SLC36A3: variants seen among roughly 807,000 people sequenced by gnomAD.
The protein encoded by SLC36A3 is proton-coupled amino acid transporter 3.
A neutral mutation model predicts 44.3 loss-of-function variants in SLC36A3; 35 were observed. That is an observed-to-expected ratio of 0.79 (90% CI 0.60 to 1.05). The LOEUF (loss-of-function observed/expected upper bound fraction) is 1.05. Among genes scored for constraint, SLC36A3 ranks in the 50% least tolerant of loss-of-function variants. The pLI is 0.00. For synonymous variants in SLC36A3, 211 were observed against 227.6 expected, an observed-to-expected ratio of 0.93 and a Z score of 0.66; for missense variants, 540 against 578.7, an observed-to-expected ratio of 0.93 and a Z score of 0.69.
intron 4 of SLC36A3, among the ~76,000 whole-genome samples, chr5:151,291,422 C>T (rs1754754560): frequency 6.6e-6 from 1 of 152,220 alleles, no homozygotes; most frequent in Non-Finnish European, 1.5e-5. Context: ...TAAACTGCTA[C>T]ATTCCCCTTG....
intron 8 of SLC36A3, among the ~76,000 whole-genome samples, chr5:151,281,994 T>G (rs1186751306): frequency 6.6e-6 from 1 of 152,030 alleles, no homozygotes; most frequent in Non-Finnish European, 1.5e-5. Flanking sequence ...TGTTTGTACA[T>G]GCTCATACAG....
chr5:151,295,717 T>C (rs554486335), intron 3 of SLC36A3, among the ~76,000 whole-genome samples: 2 of 152,346 alleles, frequency 1.3e-5, no homozygotes, highest in South Asian at 4.1e-4. Context: ...TGATAATGAC[T>C]GAAATCATTG....
chr5:151,277,773 G>A, intron 9 of SLC36A3, 112 bp from the exon 10 acceptor site: 1 of 1,353,366 alleles, frequency 7.4e-7, no homozygotes, highest in Non-Finnish European at 1.0e-6. Context: ...GAGGTGGGAG[G>A]GAGCCTACTG....
At position 151,277,253 on chromosome 5, in the gene SLC36A3, C is replaced by T; in HGVS notation, c.*140G>A. 1 of 1,194,990 alleles carries T rather than the reference C, an allele frequency of 8.4e-7. No individual in the cohort carries two copies. Among genetic ancestry groups the T allele is most frequent in the Non-Finnish European group, 1.2e-6 (1 of 860,326 alleles). The allele number at this position is 1,194,990 out of a possible 1,614,324, so 74.0% of individuals were successfully genotyped here. A position where few individuals can be genotyped will look rare whatever the true frequency, so the allele number is the denominator to read the frequency against. On this transcript the variant is annotated 3_prime_UTR_variant, in exon 10 of 10. Coordinates refer to ENST00000335230, the MANE Select transcript of SLC36A3 (RefSeq NM_181774.4). Reference sequence around the variant, plus strand: ...GAGAGACATCAGTGCTAACTTTTCTCATCTGCATTTCTCTTGGAAAGATAA... The same window carrying T: ...GAGAGACATCAGTGCTAACTTTTCTTATCTGCATTTCTCTTGGAAAGATAA...
intron 1 of SLC36A3, among the ~76,000 whole-genome samples, chr5:151,300,049 C>A (rs74823953): frequency 2.0e-5 from 3 of 152,232 alleles, no homozygotes; most frequent in African/African-American, 7.2e-5. Context: ...GTAGAAGTGC[C>A]CCCTCCACCC....
chr5:151,299,264 C>CTCTCTCTATATATATATATATATATATA (rs1372309288), intron 1 of SLC36A3, among the ~76,000 whole-genome samples: 1 of 59,646 alleles, frequency 1.7e-5, no homozygotes, highest in African/African-American at 6.2e-5. Flanking sequence ...CTCTCTCTCT[C>CTCTCTCTATATATATATATATATATATA]TATATATATA....
At chr5:151,291,686 T>C (rs1038333138) in intron 4 of SLC36A3, among the ~76,000 whole-genome samples, 1 of 152,142 alleles carries the variant, frequency 6.6e-6, no homozygotes, top group African/African-American at 2.4e-5. Context: ...TGTGGGCTAT[T>C]ATGAGACACA....
At chr5:151,295,001 A>C (rs1447722409) in intron 3 of SLC36A3, among the ~76,000 whole-genome samples, 1 of 152,126 alleles carries the variant, frequency 6.6e-6, no homozygotes, top group Admixed American at 6.6e-5. Flanking sequence ...TGAAGGCCAT[A>C]GCCAACTCTC....
chr5:151,294,185 C>T (rs1754869961), intron 3 of SLC36A3, among the ~76,000 whole-genome samples: 1 of 152,198 alleles, frequency 6.6e-6, no homozygotes, highest in Admixed American at 6.5e-5. Context: ...CTTGAGATCT[C>T]TGGGCCCCAG....
rs2346336 is a variant in SLC36A3 at position 151,293,886 on chromosome 5, C to A, written c.309-427G>T. Among the ~76,000 whole-genome samples, 7 of 134,536 alleles carry A rather than the reference C, an allele frequency of 5.2e-5. No individual in the cohort carries two copies. In the East Asian group the frequency reaches 1.4e-3, roughly 26 times the overall value. 88.3% of individuals were successfully genotyped at this position (134,536 alleles called of 152,430 possible). ...CCAGACCCCTCACAAAGGTGATACTCGGGATCCTGCCCAGCCCCCTGTAGG... is the reference window on the plus strand; with the variant it reads ...CCAGACCCCTCACAAAGGTGATACTAGGGATCCTGCCCAGCCCCCTGTAGG... On this transcript the variant is annotated intron_variant, in intron 3 of 9. Transcript: ENST00000335230.
rs1459629853 is a variant in SLC36A3, at chr5:151,277,667, A to T, written c.1145-6T>A. 1 of 1,613,026 alleles carries T rather than the reference A, an allele frequency of 6.2e-7. No homozygotes were observed. Reference sequence around the variant, plus strand: ...GATGAGGATGGCTGAGACACCTGCAATGAAAGGAGATATTTAGAATCACTG... The same window carrying T: ...GATGAGGATGGCTGAGACACCTGCATTGAAAGGAGATATTTAGAATCACTG... On this transcript the variant is annotated splice_polypyrimidine_tract_variant and splice_region_variant and intron_variant, in intron 9 of 9. Transcript: ENST00000335230.
chr5:151,276,765 G>A lies in SLC36A3; in HGVS notation c.*628C>T, dbSNP rs1754106463. ...AACACTAGCATGGCCAGTTTTTGTG[G>A]TTGGTGGATAAGTTAATTTCTTTTA... On this transcript the variant is annotated 3_prime_UTR_variant, in exon 10 of 10. Coordinates refer to ENST00000335230, the MANE Select transcript of SLC36A3 (RefSeq NM_181774.4). 1 of 152,524 alleles carries A rather than the reference G, an allele frequency of 6.6e-6. No homozygotes were observed. The highest frequency in any genetic ancestry group is 1.9e-4 in the East Asian group (1 of 5,204). The allele number at this position is 152,524 out of a possible 1,614,324, so 9.4% of individuals were successfully genotyped here. A position where few individuals can be genotyped will look rare whatever the true frequency, so the allele number is the denominator to read the frequency against.
intron 6 of SLC36A3, among the ~76,000 whole-genome samples, chr5:151,285,691 CAAG>C (rs1359978246): frequency 6.8e-6 from 1 of 146,974 alleles, no homozygotes; most frequent in Non-Finnish European, 1.5e-5. Flanking sequence ...GACCCTAAAA[CAAG>C]GAGATGATCC....
rs754439145 is a variant in SLC36A3, at chr5:151,303,395, G to T, written c.-41C>A. The T allele has an allele frequency of 1.3e-6, 2 of 1,589,646 alleles. No individual in the cohort carries two copies. Among genetic ancestry groups the T allele is most frequent in the South Asian group, 1.1e-5 (1 of 88,288 alleles). The stretch of plus-strand genomic sequence containing the variant: ...TAGGTGGCAGAGGCTCAGGGTTAAG[G>T]CTCTGAATGAGCCTCTGATGGGTCT... On this transcript the variant is annotated 5_prime_UTR_variant, in exon 1 of 10. Transcript: ENST00000335230.
intron 1 of SLC36A3, among the ~76,000 whole-genome samples, chr5:151,302,935 G>A (rs777362596): frequency 6.6e-6 from 1 of 152,000 alleles, no homozygotes; most frequent in Non-Finnish European, 1.5e-5. Flanking sequence ...AAGAAAGAAA[G>A]GGAGGAAGGA....
chr5:151,300,316 G>C (rs1431818751), intron 1 of SLC36A3, among the ~76,000 whole-genome samples: 1 of 152,182 alleles, frequency 6.6e-6, no homozygotes, highest in African/African-American at 2.4e-5. Context: ...GAGAGGGTTG[G>C]GTTGAGAGAA....
Position 151,277,413 on chromosome 5 carries a change from AG to A in SLC36A3, c.1392del (p.Ser465ProfsTer13), listed in dbSNP as rs1248286614. 3 of 1,614,162 alleles carry A rather than the reference AG, an allele frequency of 1.9e-6. No homozygotes were observed. The highest frequency in any genetic ancestry group is 2.2e-5 in the East Asian group (1 of 44,888). ...GATAATTATGCATGGACACCTGTGG[AG>A]TTGGCCATGGAATGGCTGATGGGTT... ...LPQPISHSMA[N>X]STGVHA On this transcript the variant is annotated frameshift_variant, in exon 10 of 10. Transcript: ENST00000335230. LOFTEE classifies it high-confidence loss of function.
At chr5:151,289,854 T>C (rs4958446) in intron 4 of SLC36A3, among the ~76,000 whole-genome samples, 34,146 of 152,140 alleles carry the variant, frequency 0.22, 4,197 homozygotes, top group Admixed American at 0.37. Context: ...AGATCTCCTA[T>C]TGGAAATGTA....
chr5:151,281,243 A>G, intron 8 of SLC36A3, 60 bp from the exon 9 acceptor site: 3 of 1,512,318 alleles, frequency 2.0e-6, no homozygotes, highest in Non-Finnish European at 2.7e-6. Context: ...GCCATTGAGG[A>G]CTCACTTACT....
Sources: gnomAD v4.1 joint callset for allele counts (sites outside exome capture counted in the v4.1 genomes callset) on GRCh38, gnomAD v4.1.1 for gene constraint, MANE v1.5 for transcripts, NCBI Gene and HGNC (gene_info 2026-07-23, HGNC 2026-07-21) for gene names.